Variants in AQP7 observed in about 807,000 individuals in gnomAD.
AQP7 encodes aquaporin-7.
Under a neutral mutation model 26.1 loss-of-function variants are expected in AQP7, and 22 were observed. The ratio of observed to expected loss-of-function variants is 0.84; its 90% CI spans 0.60 to 1.20. AQP7 has a LOEUF of 1.20. AQP7 is among the 50% of genes most tolerant of loss of function. AQP7 has a pLI of 0.00. For synonymous variants in AQP7, 167 were observed against 181.7 expected, an observed-to-expected ratio of 0.92 and a Z score of 0.65; for missense variants, 412 against 457.5, an observed-to-expected ratio of 0.90 and a Z score of 0.91.
At chr9:33,388,421 G>C (rs142991415) in intron 3 of AQP7, among the ~76,000 whole-genome samples, 9 of 152,188 alleles carry the variant, frequency 5.9e-5, no homozygotes, top group African/African-American at 2.2e-4. Context: ...ACCCCATCGC[G>C]TCTTCCCCAG....
Position 33,384,881 on chromosome 9 carries a change from C to T in AQP7, c.*124G>A. 3.4e-6 allele frequency: 4 copies of T among 1,189,056 alleles called. No homozygotes were observed. The highest frequency in any genetic ancestry group is 2.3e-5 in the East Asian group (1 of 42,648). 73.7% of individuals were successfully genotyped at this position (1,189,056 alleles called of 1,614,324 possible). ...CTACACCTTGGGCTAAGACATAGCC[C>T]TGGAGCTCCTGTAAGAACCCAGGAG... On this transcript the variant is annotated 3_prime_UTR_variant, in exon 8 of 8. Coordinates refer to ENST00000297988, the MANE Select transcript of AQP7 (RefSeq NM_001170.3).
chr9:33,397,924 A>G (rs1825969140), intron 2 of AQP7, among the ~76,000 whole-genome samples: 1 of 152,234 alleles, frequency 6.6e-6, no homozygotes. Context: ...AGATTTCTTG[A>G]ATCTACTGTG....
intron 2 of AQP7, among the ~76,000 whole-genome samples, chr9:33,400,484 A>C (rs1210523006): frequency 6.6e-6 from 1 of 152,120 alleles, no homozygotes; most frequent in East Asian, 1.9e-4. Flanking sequence ...GAAGAAAGCA[A>C]AGAAAGTCAG....
intron 2 of AQP7, among the ~76,000 whole-genome samples, chr9:33,395,953 A>T (rs1160682116): frequency 6.6e-6 from 1 of 152,136 alleles, no homozygotes. Flanking sequence ...AAAACTGGGG[A>T]ATCTGTCTTA....
intron 3 of AQP7, 49 bp from the exon 4 acceptor site, chr9:33,387,141 T>A: frequency 6.4e-7 from 1 of 1,568,938 alleles, no homozygotes; most frequent in Non-Finnish European, 8.7e-7. Context: ...AGCCCCAACC[T>A]CAGAGGAGGG....
chr9:33,395,352 G>A (rs1825771576), intron 2 of AQP7, 157 bp from the exon 3 acceptor site: 1 of 652,866 alleles, frequency 1.5e-6, no homozygotes, highest in African/African-American at 1.8e-5. Context: ...TGGAATTGGA[G>A]ACACTTGAGA....
At chr9:33,392,296 T>C in intron 3 of AQP7, among the ~76,000 whole-genome samples, 1 of 145,250 alleles carries the variant, frequency 6.9e-6, no homozygotes, top group East Asian at 2.1e-4. Context: ...CAAGACTGTA[T>C]CTCAAAAAAA....
Position 33,383,235 on chromosome 9 carries a change from G to A in AQP7, c.*1770C>T, listed in dbSNP as rs890498235. On this transcript the variant is annotated 3_prime_UTR_variant, in exon 8 of 8. Coordinates refer to ENST00000297988, the MANE Select transcript of AQP7 (RefSeq NM_001170.3). ...TTTAATATTCACAGCAACACAAATG[G>A]GAAGTAATATTCTTATCGCCATTTT... 11 of 152,128 alleles carry A rather than the reference G, an allele frequency of 7.2e-5. No homozygotes were observed. Among genetic ancestry groups the A allele is most frequent in the African/African-American group, 2.7e-4 (11 of 41,420 alleles). The allele number at this position is 152,128 out of a possible 1,614,324, so 9.4% of individuals were successfully genotyped here.
chr9:33,396,259 G>A (rs1825839084), intron 2 of AQP7, among the ~76,000 whole-genome samples: 1 of 152,014 alleles, frequency 6.6e-6, no homozygotes, highest in Non-Finnish European at 1.5e-5. Flanking sequence ...CCAAGATAGA[G>A]AAACCCCATC....
chr9:33,401,795 A>C (rs1431908217), intron 1 of AQP7: 1 of 161,452 alleles, frequency 6.2e-6, no homozygotes, highest in Non-Finnish European at 1.4e-5. Context: ...TTGTACTCCT[A>C]TCTTTATCTC....
At chr9:33,401,208 G>T (rs1564196362) in intron 2 of AQP7, 29 bp downstream of exon 2, 1 of 1,548,812 alleles carries the variant, frequency 6.5e-7, no homozygotes, top group Non-Finnish European at 8.7e-7. Flanking sequence ...ACAGGGGGCT[G>T]GAGGGTGAGA....
At chr9:33,386,704 C>T (rs1177125587) in intron 4 of AQP7, among the ~76,000 whole-genome samples, 163 bp from the exon 5 acceptor site, 11 of 152,244 alleles carry the variant, frequency 7.2e-5, no homozygotes, top group Admixed American at 2.6e-4. Context: ...CCACCATCTT[C>T]GTTTCACTCT....
intron 3 of AQP7, among the ~76,000 whole-genome samples, chr9:33,387,465 G>A (rs1824956972): frequency 6.6e-6 from 1 of 152,058 alleles, no homozygotes; most frequent in African/African-American, 2.4e-5. Context: ...AGGCTGGCCT[G>A]AAGGAAGTTT....
intron 4 of AQP7, 123 bp from the exon 5 acceptor site, chr9:33,386,664 A>G: frequency 7.4e-7 from 1 of 1,347,748 alleles, no homozygotes; most frequent in Non-Finnish European, 1.0e-6. Context: ...TCTCTCCTTG[A>G]GCCCTCACAA....
intron 3 of AQP7, among the ~76,000 whole-genome samples, chr9:33,393,136 G>T (rs1156708552): frequency 1.3e-5 from 2 of 152,188 alleles, no homozygotes; most frequent in Non-Finnish European, 2.9e-5. Flanking sequence ...GCTGAGGCAA[G>T]AGAGTCACTT....
At chr9:33,401,185 G>A in intron 2 of AQP7, 52 bp downstream of exon 2, 1 of 1,540,298 alleles carries the variant, frequency 6.5e-7, no homozygotes, top group Non-Finnish European at 8.8e-7. Flanking sequence ...CACTGAAGTG[G>A]GCTGGGTGAA....
chr9:33,389,925 G>C (rs1162996513), intron 3 of AQP7, among the ~76,000 whole-genome samples: 1 of 151,744 alleles, frequency 6.6e-6, no homozygotes, highest in Non-Finnish European at 1.5e-5. Flanking sequence ...CTACTCAGGA[G>C]GCTGAGACAG....
At chr9:33,401,201 G>A (rs1380727179) in intron 2 of AQP7, 36 bp downstream of exon 2, 1 of 1,548,032 alleles carries the variant, frequency 6.5e-7, no homozygotes, top group Non-Finnish European at 8.7e-7. Flanking sequence ...GTGAAGGACA[G>A]GGGGCTGGAG....
intron 5 of AQP7, 93 bp downstream of exon 5, chr9:33,386,311 A>G (rs1311276951): frequency 3.8e-6 from 6 of 1,594,928 alleles, no homozygotes; most frequent in Non-Finnish European, 4.3e-6. Context: ...TCTCCCAGCT[A>G]TTTTTTACAA....
Sources: allele counts gnomAD v4.1 joint callset (sites outside exome capture counted in the v4.1 genomes callset), GRCh38; gene constraint gnomAD v4.1.1; transcripts MANE v1.5; gene names NCBI Gene and HGNC (gene_info 2026-07-23, HGNC 2026-07-21).